Variants in SEC16A observed in about 807,000 individuals in gnomAD.
The protein encoded by SEC16A is SEC16 homolog A, endoplasmic reticulum export factor, also known as protein transport protein Sec16A.
Under a neutral mutation model 221.9 loss-of-function variants are expected in SEC16A, and 110 were observed. The ratio of observed to expected loss-of-function variants is 0.50; its 90% CI spans 0.42 to 0.58. The LOEUF (loss-of-function observed/expected upper bound fraction) is 0.58, where lower values mean the gene tolerates loss of function less well. Ranked by LOEUF, SEC16A falls within the 20% of genes least tolerant of loss-of-function variation. The probability of loss-of-function intolerance (pLI) is 0.00; values close to 1 mark genes in which losing one functional copy is unlikely to be tolerated. For missense variants in SEC16A, 3,165 were observed against 3,097.8 expected (o/e 1.02, Z -0.52); for synonymous variants, 1,393 against 1,257.7 (o/e 1.11, Z -2.28).
rs1325226841 is a variant in SEC16A at position 136,476,677 on chromosome 9, T to C, written c.939A>G (p.Ala313=). 6.4e-7 allele frequency: 1 copy of C among 1,569,350 alleles called. No homozygotes were observed. Among genetic ancestry groups the C allele is most frequent in the Non-Finnish European group, 8.7e-7 (1 of 1,155,064 alleles). The part of the protein sequence containing the change: ...RQNPRIVNHW[A]SPELRQNPGV... ...CTGGATTCTGCCTGAGCTCTGGGCTTGCCCAGTGATTCACAATTCTGGGAT... is the reference window on the plus strand; with the variant it reads ...CTGGATTCTGCCTGAGCTCTGGGCTCGCCCAGTGATTCACAATTCTGGGAT... Residue 313 remains alanine (A), a synonymous_variant, in exon 3 of 32, where the codon GCA becomes GCG. Coordinates refer to ENST00000684901, the MANE Select transcript of SEC16A (RefSeq NM_014866.2).
Position 136,474,036 on chromosome 9 carries a change from A to C in SEC16A, c.3567+13T>G, listed in dbSNP as rs201995426. ...GACAGAAAAGTGGGTTACACATACG[A>C]CTCGACTCTTACCTGGTAATAGAGG... On this transcript the variant is annotated intron_variant, in intron 3 of 31. Transcript: ENST00000684901. 55 of 1,585,992 alleles carry C rather than the reference A, an allele frequency of 3.5e-5. No individual in the cohort carries two copies. The highest frequency in any genetic ancestry group is 4.6e-5 in the Non-Finnish European group (53 of 1,164,032).
intron 12 of SEC16A, among the ~76,000 whole-genome samples, 161 bp downstream of exon 12, chr9:136,462,726 G>C (rs1044257523): frequency 6.6e-6 from 1 of 152,236 alleles, no homozygotes; most frequent in African/African-American, 2.4e-5. Flanking sequence ...TGGCATACAA[G>C]AGTCAGGCAT....
chr9:136,475,108 G>T lies in SEC16A; in HGVS notation c.2508C>A (p.Ser836Arg), dbSNP rs1482400815. ...PPVLIAQPDH[S>R]YNLAQPINFS... The stretch of plus-strand genomic sequence containing the variant: ...AGTTAATGGGCTGAGCCAGATTATA[G>T]CTGTGATCAGGCTGAGCAATCAAGA... The change falls in exon 3 of 32, where the codon AGC (serine) becomes AGA (arginine). Residue 836 changes from serine (S) to arginine (R), a missense_variant. By Grantham distance (110) the Ser-to-Arg change is moderately radical (BLOSUM62 -1). Around this residue, in one of 3 missense-constraint regions of SEC16A, gnomAD observed 2,030 missense variants for 1,923.1 expected, o/e 1.06. Coordinates refer to ENST00000684901, the MANE Select transcript of SEC16A (RefSeq NM_014866.2). This position sits in a 1 kb window ranked among gnomAD's most constrained non-coding sequence, Gnocchi z 5.0. 1.2e-6 allele frequency: 2 copies of T among 1,613,882 alleles called. No homozygotes were observed. Among genetic ancestry groups the T allele is most frequent in the Non-Finnish European group, 1.7e-6 (2 of 1,179,832 alleles).
At chr9:136,465,825 G>C in intron 8 of SEC16A, 137 bp downstream of exon 8, 9 of 912,404 alleles carry the variant, frequency 9.9e-6, no homozygotes, top group Non-Finnish European at 1.4e-5. Flanking sequence ...CCTGCTTCTC[G>C]GAAGGACGGA....
rs1307527280 is a variant in SEC16A, at chr9:136,476,553, C to T, written c.1063G>A (p.Ala355Thr). 6.2e-7 allele frequency: 1 copy of T among 1,610,318 alleles called. No individual in the cohort carries two copies. ...TCTAGCGGGGCACAGCCAGACCCGG[C>T]CCCAGCCCCCAGTGGGTGGTGCGTA... The part of the protein sequence containing the change: ...NRTHHPLGAG[A>T]GSGCAPLEAD... The change falls in exon 3 of 32, where the codon GCC becomes ACC. Residue 355 changes from alanine to threonine, a missense_variant. This residue lies in a region of SEC16A where 2,030 missense variants were observed against 1,923.1 expected (regional missense o/e 1.06). Coordinates refer to ENST00000684901, the MANE Select transcript of SEC16A (RefSeq NM_014866.2).
Position 136,476,446 on chromosome 9 carries a change from T to TTCAGGCTTA in SEC16A, c.1169_1170insTAAGCCTGA (p.Ser389_Glu390insAspLysPro), listed in dbSNP as rs1269599644. 1.2e-6 allele frequency: 2 copies of TTCAGGCTTA among 1,613,136 alleles called. No individual in the cohort carries two copies. Among genetic ancestry groups the TTCAGGCTTA allele is most frequent in the Admixed American group, 3.3e-5 (2 of 60,010 alleles). ...CCGCTTGACCAGATAAGCCTGCTTT[T>TTCAGGCTTA]TCAGATGAGAGATTCTCCTCATTTT... On this transcript the variant is annotated inframe_insertion, in exon 3 of 32. Coordinates refer to ENST00000684901, the MANE Select transcript of SEC16A (RefSeq NM_014866.2).
rs1839438196 is a variant in SEC16A, at chr9:136,461,234, T to A, written c.4934A>T (p.His1645Leu). Reference protein sequence around the residue: ...ESAMKNGLWGHALLLASKMDS... With the variant: ...ESAMKNGLWGLALLLASKMDS... ...CATCTTACTTGCAAGTAGCAGAGCG[T>A]GACCCCACAGGCCATTCTTCATTGC... Residue 1645 changes from histidine (H) to leucine (L), a missense_variant, in exon 13 of 32, where the codon CAC becomes CTC. His to Leu is a moderately conservative substitution (Grantham distance 99). Transcript: ENST00000684901. 1 of 1,609,308 alleles carries A rather than the reference T, an allele frequency of 6.2e-7. No individual in the cohort carries two copies. The highest frequency in any genetic ancestry group is 2.2e-5 in the East Asian group (1 of 44,746).
chr9:136,466,461 G>A lies in SEC16A; in HGVS notation c.3931C>T (p.Pro1311Ser), dbSNP rs1485346117. The A allele has an allele frequency of 1.2e-6, 2 of 1,600,104 alleles. No individual in the cohort carries two copies. The highest frequency in any genetic ancestry group is 1.7e-6 in the Non-Finnish European group (2 of 1,172,374). Reference sequence around the variant, plus strand: ...CTCCAGTTGTTGTCACGTTTCTCGGGCCTAGAGGAAGCCGGGGGACAGAGG... The same window carrying A: ...CTCCAGTTGTTGTCACGTTTCTCGGACCTAGAGGAAGCCGGGGGACAGAGG... Reference protein sequence around the residue: ...RREHSAFGDRPEKRDNNWRYD... With the variant: ...RREHSAFGDRSEKRDNNWRYD... The change falls in exon 7 of 32, where the codon CCC becomes TCC. Residue 1311 changes from proline to serine, a missense_variant and splice_region_variant. Pro to Ser is a moderately conservative substitution (Grantham distance 74, BLOSUM62 -1). This residue lies in a region of SEC16A where 2,030 missense variants were observed against 1,923.1 expected (regional missense o/e 1.06). Transcript: ENST00000684901. The surrounding 1 kb of genome is among the most constrained non-coding windows in gnomAD (Gnocchi z 5.5).
In SEC16A at chr9:136,476,198, C is replaced by T. The variant is rs191198270; in HGVS notation, c.1418G>A (p.Ser473Asn). 211 of 1,613,852 alleles carry T rather than the reference C, an allele frequency of 1.3e-4. No homozygotes were observed. In the African/African-American group the frequency reaches 2.5e-3, roughly 19 times the overall value. Residue 473 changes from serine to asparagine, a missense_variant, in exon 3 of 32, where the codon AGT (serine) becomes AAT (asparagine). This residue lies in a region of SEC16A where 2,030 missense variants were observed against 1,923.1 expected (regional missense o/e 1.06). Transcript: ENST00000684901. ...EFVQNQEVLPSEPLNLDPSSP... is the reference protein window; with the variant it reads ...EFVQNQEVLPNEPLNLDPSSP... The stretch of plus-strand genomic sequence containing the variant: ...GGAAGGGTCCAAATTGAGGGGCTCA[C>T]TTGGCAGAACTTCTTGATTCTGAAC...
At chr9:136,455,256 G>A (rs1169759107) in intron 20 of SEC16A, among the ~76,000 whole-genome samples, 2 of 152,292 alleles carry the variant, frequency 1.3e-5, no homozygotes, top group East Asian at 3.9e-4. Flanking sequence ...GTTACAGAGG[G>A]GCACAGCCGA....
chr9:136,446,833 C>T lies in SEC16A; in HGVS notation c.6792+22G>A, dbSNP rs746418002. ...TGCCTCCTCACTGGGTACCTTTCCC[C>T]TTTCCCACCGTACCCGCTCACCTTG... On this transcript the variant is annotated intron_variant, in intron 28 of 31. Transcript: ENST00000684901. 3 of 1,578,318 alleles carry T rather than the reference C, an allele frequency of 1.9e-6. No individual in the cohort carries two copies. In the East Asian group the frequency reaches 6.7e-5, roughly 35 times the overall value.
chr9:136,461,969 G>GTGGT (rs1282618195), intron 12 of SEC16A, among the ~76,000 whole-genome samples: 1 of 151,716 alleles, frequency 6.6e-6, no homozygotes, highest in Non-Finnish European at 1.5e-5. Flanking sequence ...TTAGCCAGGC[G>GTGGT]TGGTGGCATG....
At chr9:136,462,805 C>T in intron 12 of SEC16A, 82 bp downstream of exon 12, 1 of 1,506,742 alleles carries the variant, frequency 6.6e-7, no homozygotes, top group South Asian at 1.3e-5. Flanking sequence ...GGGCCACGTC[C>T]CTCCCTGAAG....
upstream of SEC16A, chr9:136,483,950 TG>T (rs760141459): frequency 1.5e-3 from 391 of 263,946 alleles, 2 homozygotes; most frequent in Non-Finnish European, 1.9e-3. Context: ...GCCAGCGTCC[TG>T]GGGTTTCCCC....
At chr9:136,468,626 T>C (rs1189360150) in intron 4 of SEC16A, 114 bp from the exon 5 acceptor site, 5 of 637,478 alleles carry the variant, frequency 7.8e-6, no homozygotes, top group Non-Finnish European at 1.4e-5. Flanking sequence ...ACTTTGGTTG[T>C]ACAAAAATTC....
In SEC16A at chr9:136,475,974, G is replaced by C. The variant is rs779452940; in HGVS notation, c.1642C>G (p.Gln548Glu). The change falls in exon 3 of 32, where the codon CAG becomes GAG. Residue 548 changes from glutamine (Q) to glutamate (E), a missense_variant. Gln to Glu is a conservative substitution (Grantham distance 29). This residue lies in a region of SEC16A where 2,030 missense variants were observed against 1,923.1 expected (regional missense o/e 1.06). Coordinates refer to ENST00000684901, the MANE Select transcript of SEC16A (RefSeq NM_014866.2). The surrounding 1 kb of genome is among the most constrained non-coding windows in gnomAD (Gnocchi z 5.0). The stretch of plus-strand genomic sequence containing the variant: ...TCCTCGGGTTTTCCAACTTCTTGCT[G>C]AATGAATGTGCCAACCAGCTCCTGG... ...RPQELVGTFI[Q>E]QEVGKPEDEA... The C allele has an allele frequency of 1.2e-6, 2 of 1,613,462 alleles. No homozygotes were observed. Among genetic ancestry groups the C allele is most frequent in the Non-Finnish European group, 1.7e-6 (2 of 1,179,886 alleles).
chr9:136,478,481 A>T (rs1341519630), intron 2 of SEC16A, among the ~76,000 whole-genome samples: 3 of 152,346 alleles, frequency 2.0e-5, no homozygotes, highest in South Asian at 2.1e-4. Flanking sequence ...GGGATACAAA[A>T]GTTTAAAATT....
rs1221879875 is a variant in SEC16A, at chr9:136,445,200, A to G, written c.6868-89T>C. 3.5e-6 allele frequency: 4 copies of G among 1,150,212 alleles called. No individual in the cohort carries two copies. The African/African-American group carries it at 6.1e-5, about 18-fold the overall frequency. The allele number at this position is 1,150,212 out of a possible 1,614,324, so 71.3% of individuals were successfully genotyped here. ...TCCAAGCTGTCAGTTCCATTTCAAA[A>G]GCTTTGTGATGCCATTAGAATCAAC... On this transcript the variant is annotated intron_variant, in intron 29 of 31. Coordinates refer to ENST00000684901, the MANE Select transcript of SEC16A (RefSeq NM_014866.2).
intron 18 of SEC16A, 77 bp downstream of exon 18, chr9:136,457,367 C>T: frequency 6.7e-7 from 1 of 1,491,676 alleles, no homozygotes; most frequent in Non-Finnish European, 9.0e-7. Context: ...TCGCTACCCC[C>T]ATGCCCGGGG....
Sources: allele counts gnomAD v4.1 joint callset (sites outside exome capture counted in the v4.1 genomes callset), GRCh38; gene constraint gnomAD v4.1.1; regional missense constraint gnomAD v4.1.1; non-coding constraint Gnocchi (gnomAD v3.1); transcripts MANE v1.5; gene names NCBI Gene and HGNC (gene_info 2026-07-23, HGNC 2026-07-21).